Variants in OR6C75 observed in about 807,000 individuals in gnomAD.
The protein encoded by OR6C75 is olfactory receptor family 6 subfamily C member 75, also known as olfactory receptor 6C75.
For synonymous variants in OR6C75, 149 were observed against 130.6 expected, an observed-to-expected ratio of 1.14 and a Z score of -0.96; for missense variants, 380 against 368.0, an observed-to-expected ratio of 1.03 and a Z score of -0.27.
Position 55,367,513 on chromosome 12 carries a change from A to C in OR6C75, c.*1464A>C, listed in dbSNP as rs1869831573. ...AAGGAAAATAGCCCAAAATAATAAC[A>C]GCCATCTGTGACAGACCCACAGCCA... On this transcript the variant is annotated 3_prime_UTR_variant, in exon 3 of 3. Transcript: ENST00000641576. The C allele has an allele frequency of 6.6e-6, 1 of 152,144 alleles. No individual in the cohort carries two copies. The highest frequency in any genetic ancestry group is 1.5e-5 in the Non-Finnish European group (1 of 68,030). The allele number at this position is 152,144 out of a possible 1,614,324, so 9.4% of individuals were successfully genotyped here.
chr12:55,368,586 G>A lies in OR6C75; in HGVS notation c.*2537G>A, dbSNP rs972450327. ...TGCACTCCAGCCTGGGCGATAGAGC[G>A]AAACTCTATCTCGATAAAATAAAAC... On this transcript the variant is annotated 3_prime_UTR_variant, in exon 3 of 3. Transcript: ENST00000641576. The A allele has an allele frequency of 7.2e-5, 11 of 152,240 alleles. No homozygotes were observed. The highest frequency in any genetic ancestry group is 3.9e-4 in the East Asian group (2 of 5,184). The allele number at this position is 152,240 out of a possible 1,614,324, so 9.4% of individuals were successfully genotyped here. A position where few individuals can be genotyped will look rare whatever the true frequency, so the allele number is the denominator to read the frequency against.
At position 55,364,959 on chromosome 12, in the gene OR6C75, T is replaced by G; in HGVS notation, c.-152T>G. On this transcript the variant is annotated 5_prime_UTR_variant, in exon 3 of 3. Transcript: ENST00000641576. ...GGAGATACTGCCACACTGCCATTTG[T>G]GACATTACGGATGAACCTGGAAGGC... is the stretch of plus-strand genomic sequence containing the variant. 1.7e-6 allele frequency: 1 copy of G among 598,226 alleles called. No individual in the cohort carries two copies. The allele number at this position is 598,226 out of a possible 1,614,324, so 37.1% of individuals were successfully genotyped here.
At position 55,365,659 on chromosome 12, in the gene OR6C75, G is replaced by T. The variant is rs553831468; in HGVS notation, c.549G>T (p.Leu183=). Reference sequence around the variant, plus strand: ...TTATCTGTGACTCTTCTCCAATGCTGCAGCTCTCTTGCACAAACACTCACT... The same window carrying T: ...TTATCTGTGACTCTTCTCCAATGCTTCAGCTCTCTTGCACAAACACTCACT... ...DHFICDSSPM[L]QLSCTNTHFL... Residue 183 remains leucine (L), a synonymous_variant, in exon 3 of 3, where the codon CTG becomes CTT. Transcript: ENST00000641576. 2 of 1,614,030 alleles carry T rather than the reference G, an allele frequency of 1.2e-6. No homozygotes were observed. Among genetic ancestry groups the T allele is most frequent in the East Asian group, 4.5e-5 (2 of 44,890 alleles).
In OR6C75 at chr12:55,366,534, AT is replaced by A. The variant is rs1869810580; in HGVS notation, c.*489del. On this transcript the variant is annotated 3_prime_UTR_variant, in exon 3 of 3. Coordinates refer to ENST00000641576, the MANE Select transcript of OR6C75 (RefSeq NM_001005497.2). ...AAAACCACATTCAACTATGAAATTAATTTTATATGAAATGTTTAAACTATGT... is the reference window on the plus strand; with the variant it reads ...AAAACCACATTCAACTATGAAATTAATTTATATGAAATGTTTAAACTATGT... 6.6e-6 allele frequency: 1 copy of A among 152,194 alleles called. No individual in the cohort carries two copies. Among genetic ancestry groups the A allele is most frequent in the Admixed American group, 6.5e-5 (1 of 15,282 alleles). 9.4% of individuals were successfully genotyped at this position (152,194 alleles called of 1,614,324 possible). A position where few individuals can be genotyped will look rare whatever the true frequency, so the allele number is the denominator to read the frequency against.
rs765254444 is a variant in OR6C75, at chr12:55,365,076, C to T, written c.-35C>T. ...TCTGGTTTCTTCACCTATTTTACAGCGAAAATACAGAATACTTTTCTAAAG... is the reference window on the plus strand; with the variant it reads ...TCTGGTTTCTTCACCTATTTTACAGTGAAAATACAGAATACTTTTCTAAAG... On this transcript the variant is annotated 5_prime_UTR_variant, in exon 3 of 3. An upstream open reading frame in the 5' UTR gains an earlier in-frame stop. Coordinates refer to ENST00000641576, the MANE Select transcript of OR6C75 (RefSeq NM_001005497.2). 19 of 1,444,518 alleles carry T rather than the reference C, an allele frequency of 1.3e-5. No individual in the cohort carries two copies. The highest frequency in any genetic ancestry group is 4.5e-5 in the East Asian group (2 of 44,046). The allele number at this position is 1,444,518 out of a possible 1,614,324, so 89.5% of individuals were successfully genotyped here.
intron 1 of OR6C75, among the ~76,000 whole-genome samples, chr12:55,363,482 A>G (rs1379654522): frequency 6.6e-6 from 1 of 152,030 alleles, no homozygotes; most frequent in Non-Finnish European, 1.5e-5. Flanking sequence ...TCCACTAAAC[A>G]CTTCTATATA....
Position 55,368,200 on chromosome 12 carries a change from A to G in OR6C75, c.*2151A>G, listed in dbSNP as rs1012003514. 6.6e-6 allele frequency: 1 copy of G among 152,292 alleles called. No individual in the cohort carries two copies. Among genetic ancestry groups the G allele is most frequent in the Non-Finnish European group, 1.5e-5 (1 of 68,268 alleles). 9.4% of individuals were successfully genotyped at this position (152,292 alleles called of 1,614,324 possible). ...TCAAAAAAATAAATAAAAGTTGTCC[A>G]AACATGGTGGCTCACGCCTGTAATC... is the stretch of plus-strand genomic sequence containing the variant. On this transcript the variant is annotated 3_prime_UTR_variant, in exon 3 of 3. Coordinates refer to ENST00000641576, the MANE Select transcript of OR6C75 (RefSeq NM_001005497.2).
chr12:55,367,917 C>G lies in OR6C75; in HGVS notation c.*1868C>G, dbSNP rs557304655. The G allele has an allele frequency of 6.6e-6, 1 of 152,002 alleles. No homozygotes were observed. The highest frequency in any genetic ancestry group is 2.4e-5 in the African/African-American group (1 of 41,354). 9.4% of individuals were successfully genotyped at this position (152,002 alleles called of 1,614,324 possible). Reference sequence around the variant, plus strand: ...TTGGCTGGGTGTGGTGGCTCATGCCCGAAATCTCAGCACTTTGGGAGGCCA... The same window carrying G: ...TTGGCTGGGTGTGGTGGCTCATGCCGGAAATCTCAGCACTTTGGGAGGCCA... On this transcript the variant is annotated 3_prime_UTR_variant, in exon 3 of 3. Transcript: ENST00000641576.
chr12:55,364,277 C>T (rs1869737273), intron 2 of OR6C75, among the ~76,000 whole-genome samples: 1 of 111,194 alleles, frequency 9.0e-6, no homozygotes, highest in Admixed American at 9.8e-5. Context: ...TGTGTCCTGC[C>T]TAAAGTTAAT....
chr12:55,363,620 A>G (rs1869719684), intron 1 of OR6C75, among the ~76,000 whole-genome samples, 173 bp from the exon 2 acceptor site: 1 of 152,042 alleles, frequency 6.6e-6, no homozygotes, highest in Non-Finnish European at 1.5e-5. Flanking sequence ...TTTCTTTTGA[A>G]TAAGCATATC....
intron 2 of OR6C75, among the ~76,000 whole-genome samples, chr12:55,364,365 G>A (rs71457293): frequency 1.4e-5 from 1 of 72,242 alleles, no homozygotes; most frequent in Admixed American, 2.2e-4. Flanking sequence ...CACTCTTGTC[G>A]CCCAGGCTGG....
At position 55,365,921 on chromosome 12, in the gene OR6C75, G is replaced by A. The variant is rs1414882872; in HGVS notation, c.811G>A (p.Gly271Arg). ...CAGAGAAAGGGTGACTTTAAGCAAA[G>A]GAGTAGCTGTGCTCAATACCTCAGT... ...SARERVTLSK[G>R]VAVLNTSVAP... Residue 271 changes from glycine to arginine, a missense_variant, in exon 3 of 3, where the codon GGA (glycine) becomes AGA (arginine). Transcript: ENST00000641576. 6 of 1,613,812 alleles carry A rather than the reference G, an allele frequency of 3.7e-6. No homozygotes were observed. The African/African-American group carries it at 8.0e-5, about 22-fold the overall frequency.
rs1869765541 is a variant in OR6C75, at chr12:55,365,181, T to C, written c.71T>C (p.Val24Ala). The C allele has an allele frequency of 6.2e-7, 1 of 1,613,388 alleles. No individual in the cohort carries two copies. The highest frequency in any genetic ancestry group is 1.3e-5 in the African/African-American group (1 of 74,902). The change falls in exon 3 of 3, where the codon GTA (valine) becomes GCA (alanine). Residue 24 changes from valine (V) to alanine (A), a missense_variant. Coordinates refer to ENST00000641576, the MANE Select transcript of OR6C75 (RefSeq NM_001005497.2). ...ACAAGTGACCCACAGTGGCAGGTTG[T>C]ACTTTTCATATTTCTTCTTGTTACC... Reference protein sequence around the residue: ...GLTSDPQWQVVLFIFLLVTYM... With the variant: ...GLTSDPQWQVALFIFLLVTYM...
At chr12:55,364,269 T>C (rs11171435) in intron 2 of OR6C75, among the ~76,000 whole-genome samples, 43,420 of 136,724 alleles carry the variant, frequency 0.32, 7,975 homozygotes, top group East Asian at 0.52. Context: ...TGAGTCATTG[T>C]GTCCTGCCTA....
At chr12:55,363,284 A>T (rs956007303) in intron 1 of OR6C75, among the ~76,000 whole-genome samples, 2 of 152,162 alleles carry the variant, frequency 1.3e-5, no homozygotes, top group Non-Finnish European at 2.9e-5. Flanking sequence ...TTTTGAAATA[A>T]GATACACTAA....
Position 55,365,281 on chromosome 12 carries a change from G to A in OR6C75, c.171G>A (p.Met57Ile), listed in dbSNP as rs1224828644. Residue 57 changes from methionine (M) to isoleucine (I), a missense_variant, in exon 3 of 3, where the codon ATG (methionine) becomes ATA (isoleucine). Met to Ile is a conservative substitution (Grantham distance 10, BLOSUM62 1). Transcript: ENST00000641576. ...TLSDPHLQTPMYFFLRNFSFL... is the reference protein window; with the variant it reads ...TLSDPHLQTPIYFFLRNFSFL... ...CAGATCCCCATCTGCAGACTCCCATGTATTTCTTCCTTCGGAACTTCTCAT... is the reference window on the plus strand; with the variant it reads ...CAGATCCCCATCTGCAGACTCCCATATATTTCTTCCTTCGGAACTTCTCAT... 3 of 1,613,780 alleles carry A rather than the reference G, an allele frequency of 1.9e-6. No homozygotes were observed. The South Asian group carries it at 3.3e-5, about 18-fold the overall frequency.
At position 55,366,237 on chromosome 12, in the gene OR6C75, G is replaced by T. The variant is rs886923004; in HGVS notation, c.*188G>T. On this transcript the variant is annotated 3_prime_UTR_variant, in exon 3 of 3. Transcript: ENST00000641576. The stretch of plus-strand genomic sequence containing the variant: ...TTAGCTCTTCTAAACTATATAGAAA[G>T]TGTTCGCTCTCTCACCTATGTAACT... 25 of 480,950 alleles carry T rather than the reference G, an allele frequency of 5.2e-5. No individual in the cohort carries two copies. Among genetic ancestry groups the T allele is most frequent in the African/African-American group, 7.9e-5 (4 of 50,384 alleles). The allele number at this position is 480,950 out of a possible 1,614,324, so 29.8% of individuals were successfully genotyped here.
rs1565673941 is a variant in OR6C75, at chr12:55,366,566, A to T, written c.*517A>T. ...ATGAAATGTTTAAACTATGTATCTT[A>T]ATTAATATATCTAAAATTTTTTCTT... On this transcript the variant is annotated 3_prime_UTR_variant, in exon 3 of 3. Transcript: ENST00000641576. 1 of 152,176 alleles carries T rather than the reference A, an allele frequency of 6.6e-6. No individual in the cohort carries two copies. Among genetic ancestry groups the T allele is most frequent in the Admixed American group, 6.5e-5 (1 of 15,274 alleles). The allele number at this position is 152,176 out of a possible 1,614,324, so 9.4% of individuals were successfully genotyped here. A position where few individuals can be genotyped will look rare whatever the true frequency, so the allele number is the denominator to read the frequency against.
rs1434192829 is a variant in OR6C75, at chr12:55,367,840, A to G, written c.*1791A>G. On this transcript the variant is annotated 3_prime_UTR_variant, in exon 3 of 3. Coordinates refer to ENST00000641576, the MANE Select transcript of OR6C75 (RefSeq NM_001005497.2). ...AAATCAACATAGAAAAGTCAGTAGCATTTCTATACACCAATAACATTCAAG... is the reference window on the plus strand; with the variant it reads ...AAATCAACATAGAAAAGTCAGTAGCGTTTCTATACACCAATAACATTCAAG... 3 of 152,150 alleles carry G rather than the reference A, an allele frequency of 2.0e-5. No individual in the cohort carries two copies. Among genetic ancestry groups the G allele is most frequent in the Non-Finnish European group, 4.4e-5 (3 of 68,026 alleles). The allele number at this position is 152,150 out of a possible 1,614,324, so 9.4% of individuals were successfully genotyped here.
Sources: gnomAD v4.1 joint callset for allele counts (sites outside exome capture counted in the v4.1 genomes callset) on GRCh38, gnomAD v4.1.1 for gene constraint, MANE v1.5 for transcripts, NCBI Gene and HGNC (gene_info 2026-07-23, HGNC 2026-07-21) for gene names.